The following PPFIA2 variants were observed in gnomAD, a reference collection of about 807,000 sequenced individuals.
PPFIA2 encodes PPFI scaffold protein A2, also known as liprin-alpha-2.
A neutral mutation model predicts 175.5 loss-of-function variants in PPFIA2; 46 were observed. That is an observed-to-expected ratio of 0.26 (90% CI 0.21 to 0.34). PPFIA2 has a LOEUF of 0.34. Ranked by LOEUF, PPFIA2 falls within the 10% of genes least tolerant of loss-of-function variation. The pLI, the probability that PPFIA2 is intolerant of heterozygous loss-of-function variation, is 1.00. For synonymous variants in PPFIA2, 568 were observed against 511.4 expected, an observed-to-expected ratio of 1.11 and a Z score of -1.49; for missense variants, 1,179 against 1,506.1, an observed-to-expected ratio of 0.78 and a Z score of 3.60.
At chr12:81,321,837 T>TG (rs1469852961) in intron 22 of PPFIA2, among the ~76,000 whole-genome samples, 1 of 152,124 alleles carries the variant, frequency 6.6e-6, no homozygotes, top group South Asian at 2.1e-4. Context: ...ACAGGAATTT[T>TG]GGGGGGCAGG....
At chr12:81,574,131 T>C (rs1324765560) in intron 4 of PPFIA2, among the ~76,000 whole-genome samples, 4 of 151,894 alleles carry the variant, frequency 2.6e-5, no homozygotes, top group Non-Finnish European at 5.9e-5. Flanking sequence ...ATCCATTTTC[T>C]GTAGACACCC....
intron 4 of PPFIA2, among the ~76,000 whole-genome samples, chr12:81,532,035 T>C (rs554892458): frequency 1.3e-5 from 2 of 151,978 alleles, no homozygotes; most frequent in Non-Finnish European, 2.9e-5. Flanking sequence ...ATGCAATCCA[T>C]GGCTGCAACC....
At chr12:81,732,382 A>C (rs569078523) in intron 3 of PPFIA2, among the ~76,000 whole-genome samples, 1 of 151,562 alleles carries the variant, frequency 6.6e-6, no homozygotes, top group Non-Finnish European at 1.5e-5. Context: ...TACAAATTGG[A>C]AAGTCCAGTG....
At chr12:81,748,546 G>A (rs2083339950) in intron 3 of PPFIA2, among the ~76,000 whole-genome samples, 1 of 144,552 alleles carries the variant, frequency 6.9e-6, no homozygotes, top group African/African-American at 2.4e-5. Context: ...GCATAGAGGT[G>A]AATGGCCCCA....
At chr12:81,743,529 A>G (rs1052848884) in intron 3 of PPFIA2, among the ~76,000 whole-genome samples, 3 of 151,690 alleles carry the variant, frequency 2.0e-5, no homozygotes, top group Admixed American at 6.6e-5. Context: ...TTTTAAAAAA[A>G]AAAGAGAAAT....
At chr12:81,362,900 GGTT>G in intron 14 of PPFIA2, 116 bp from the exon 15 acceptor site, 1 of 595,658 alleles carries the variant, frequency 1.7e-6, no homozygotes, top group Non-Finnish European at 2.8e-6. Context: ...TTTTATTAAA[GGTT>G]ATTACACATA....
intron 3 of PPFIA2, among the ~76,000 whole-genome samples, chr12:81,735,849 A>C (rs1041211475): frequency 4.0e-5 from 6 of 151,808 alleles, no homozygotes; most frequent in African/African-American, 1.4e-4. Context: ...TATCTTCTCC[A>C]CATTGAATTG....
At chr12:81,727,419 G>A (rs917346305) in intron 3 of PPFIA2, among the ~76,000 whole-genome samples, 25 of 151,322 alleles carry the variant, frequency 1.7e-4, no homozygotes, top group African/African-American at 6.0e-4. Context: ...AACTTAGAAT[G>A]ATAGAAAAGT....
intron 7 of PPFIA2, among the ~76,000 whole-genome samples, chr12:81,411,904 C>A (rs995556925): frequency 1.3e-5 from 2 of 151,982 alleles, no homozygotes; most frequent in African/African-American, 2.4e-5. Context: ...AATTTGATTA[C>A]AAATTAGGTG....
chr12:81,692,162 T>G (rs1180298546), intron 3 of PPFIA2, among the ~76,000 whole-genome samples: 2 of 151,196 alleles, frequency 1.3e-5, no homozygotes, highest in African/African-American at 2.4e-5. Context: ...GTTGCCACAC[T>G]GTACAGCTTA....
At chr12:81,553,330 A>T (rs1042772790) in intron 4 of PPFIA2, among the ~76,000 whole-genome samples, 4 of 152,102 alleles carry the variant, frequency 2.6e-5, no homozygotes, top group African/African-American at 9.7e-5. Context: ...TGTAATATTA[A>T]TGGTGGTAAA....
At chr12:81,699,184 T>C (rs996259921) in intron 3 of PPFIA2, among the ~76,000 whole-genome samples, 6 of 152,214 alleles carry the variant, frequency 3.9e-5, no homozygotes, top group Non-Finnish European at 7.4e-5. Context: ...GATCTACTCA[T>C]GTCCTCAAAC....
intron 13 of PPFIA2, chr12:81,368,089 G>A (rs776403541): frequency 2.0e-4 from 256 of 1,285,176 alleles, no homozygotes; most frequent in Non-Finnish European, 2.6e-4. Flanking sequence ...GATCATCCGG[G>A]TTTTATACCC....
chr12:81,572,508 T>C (rs1595106955), intron 4 of PPFIA2, among the ~76,000 whole-genome samples: 1 of 152,028 alleles, frequency 6.6e-6, no homozygotes, highest in East Asian at 1.9e-4. Context: ...TCTATTTGTA[T>C]ACTCAATGCC....
At chr12:81,330,457 T>C (rs2055886776) in intron 21 of PPFIA2, among the ~76,000 whole-genome samples, 1 of 152,212 alleles carries the variant, frequency 6.6e-6, no homozygotes, top group South Asian at 2.1e-4. Flanking sequence ...TACTATGACA[T>C]ACATATTCTT....
intron 24 of PPFIA2, among the ~76,000 whole-genome samples, chr12:81,288,811 A>G (rs1407730217): frequency 1.3e-5 from 2 of 151,774 alleles, no homozygotes; most frequent in East Asian, 3.9e-4. Flanking sequence ...TTCTCATTAT[A>G]ATAAGAATGA....
intron 8 of PPFIA2, among the ~76,000 whole-genome samples, chr12:81,404,173 A>G (rs1044301102): frequency 6.6e-6 from 1 of 152,174 alleles, no homozygotes; most frequent in Non-Finnish European, 1.5e-5. Flanking sequence ...CCATAAGAAG[A>G]ACACTTCAAG....
intron 4 of PPFIA2, among the ~76,000 whole-genome samples, chr12:81,532,715 A>T (rs1221130072): frequency 6.6e-6 from 1 of 151,712 alleles, no homozygotes; most frequent in Non-Finnish European, 1.5e-5. Flanking sequence ...TTTGCAGCCA[A>T]TTCTTTTTAT....
intron 9 of PPFIA2, among the ~76,000 whole-genome samples, chr12:81,377,587 C>A (rs1033059344): frequency 6.6e-6 from 1 of 151,896 alleles, no homozygotes; most frequent in Non-Finnish European, 1.5e-5. Flanking sequence ...AATAGATCCA[C>A]CATGAAACTC....
Sources: gnomAD v4.1 joint callset for allele counts (sites outside exome capture counted in the v4.1 genomes callset) on GRCh38, gnomAD v4.1.1 for gene constraint, MANE v1.5 for transcripts, NCBI Gene and HGNC (gene_info 2026-07-23, HGNC 2026-07-21) for gene names.